The following SLC9A9 variants were observed in gnomAD, a reference collection of about 807,000 sequenced individuals.
SLC9A9 encodes the protein solute carrier family 9 member A9.
Under a neutral mutation model 77.8 loss-of-function variants are expected in SLC9A9, and 62 were observed. The observed-to-expected ratio is 0.80, with a 90% CI of 0.65 to 0.98. The LOEUF is 0.98. Ranked by LOEUF, SLC9A9 falls within the 50% of genes least tolerant of loss-of-function variation. SLC9A9 has a pLI of 0.00. For missense variants in SLC9A9, 775 were observed against 774.9 expected, an observed-to-expected ratio of 1.00 and a Z score of 0.00; for synonymous variants, 320 against 283.5, an observed-to-expected ratio of 1.13 and a Z score of -1.29.
At chr3:143,754,191 G>C (rs1472737036) in intron 4 of SLC9A9, among the ~76,000 whole-genome samples, 1 of 152,152 alleles carries the variant, frequency 6.6e-6, no homozygotes, top group Non-Finnish European at 1.5e-5. Context: ...AGAGGGAATG[G>C]AAAATATAGC....
At chr3:143,549,525 T>C (rs1264325426) in intron 9 of SLC9A9, among the ~76,000 whole-genome samples, 2 of 152,124 alleles carry the variant, frequency 1.3e-5, no homozygotes, top group African/African-American at 2.4e-5. Context: ...AAAAAGGCAG[T>C]GTGGGGAACA....
At chr3:143,466,486 G>T (rs113989226) in intron 12 of SLC9A9, among the ~76,000 whole-genome samples, 1 of 152,200 alleles carries the variant, frequency 6.6e-6, no homozygotes, top group Admixed American at 6.5e-5. Flanking sequence ...GAGGGCCACT[G>T]ACTGAAGCCT....
At chr3:143,349,126 C>A (rs894119040) in intron 14 of SLC9A9, among the ~76,000 whole-genome samples, 1 of 152,152 alleles carries the variant, frequency 6.6e-6, no homozygotes, top group African/African-American at 2.4e-5. Context: ...TACTGGCAGA[C>A]GGGAGTAACA....
At chr3:143,551,957 C>T (rs1024391872) in intron 9 of SLC9A9, among the ~76,000 whole-genome samples, 2 of 152,142 alleles carry the variant, frequency 1.3e-5, no homozygotes, top group African/African-American at 4.8e-5. Flanking sequence ...GTTGAGTTTG[C>T]TTGGCATCAA....
intron 11 of SLC9A9, among the ~76,000 whole-genome samples, chr3:143,490,549 G>A (rs371722498): frequency 6.6e-6 from 1 of 152,150 alleles, no homozygotes; most frequent in African/African-American, 2.4e-5. Flanking sequence ...TGGGTATAGA[G>A]TTTCAGTTTT....
chr3:143,639,597 G>C (rs991209901), intron 6 of SLC9A9, among the ~76,000 whole-genome samples: 1 of 151,998 alleles, frequency 6.6e-6, no homozygotes, highest in Non-Finnish European at 1.5e-5. Flanking sequence ...GTACTGAGAG[G>C]GCCAAATTTT....
chr3:143,517,304 C>T (rs1447865225), intron 9 of SLC9A9: 6 of 1,257,914 alleles, frequency 4.8e-6, no homozygotes, highest in Non-Finnish European at 6.9e-6. Context: ...TCCAGGCATT[C>T]CGGCCATTCC....
intron 14 of SLC9A9, among the ~76,000 whole-genome samples, chr3:143,289,421 G>T (rs1209476321): frequency 1.3e-5 from 2 of 152,124 alleles, no homozygotes; most frequent in Non-Finnish European, 2.9e-5. Flanking sequence ...GAAGGCTAAG[G>T]ACTCTCAGAG....
At chr3:143,723,482 A>T (rs1934557337) in intron 4 of SLC9A9, among the ~76,000 whole-genome samples, 1 of 152,132 alleles carries the variant, frequency 6.6e-6, no homozygotes, top group Non-Finnish European at 1.5e-5. Context: ...GTGGGGACAC[A>T]AGATGATTTT....
chr3:143,776,333 T>G (rs2007690940), intron 4 of SLC9A9, among the ~76,000 whole-genome samples: 1 of 152,200 alleles, frequency 6.6e-6, no homozygotes, highest in African/African-American at 2.4e-5. Flanking sequence ...TTCCTTCATC[T>G]ATTCAAATCA....
chr3:143,425,743 G>T (rs529789169), intron 12 of SLC9A9, among the ~76,000 whole-genome samples: 10 of 152,278 alleles, frequency 6.6e-5, no homozygotes, highest in African/African-American at 2.4e-4. Context: ...GTTGACATGA[G>T]AACAGATAGC....
At chr3:143,428,473 T>C (rs370189903) in intron 12 of SLC9A9, among the ~76,000 whole-genome samples, 1 of 152,332 alleles carries the variant, frequency 6.6e-6, no homozygotes, top group African/African-American at 2.4e-5. Context: ...CAATTCTTTA[T>C]ACATTGTTGG....
intron 8 of SLC9A9, 28 bp downstream of exon 8, chr3:143,574,060 A>G: frequency 5.0e-6 from 8 of 1,589,028 alleles, no homozygotes; most frequent in South Asian, 2.2e-5. Context: ...TCACACATCC[A>G]GTTGGCTGTG....
chr3:143,323,268 C>A (rs756896574), intron 14 of SLC9A9, among the ~76,000 whole-genome samples: 1 of 152,140 alleles, frequency 6.6e-6, no homozygotes, highest in Non-Finnish European at 1.5e-5. Flanking sequence ...CAGAAGAATA[C>A]CTGTTTATTG....
intron 8 of SLC9A9, among the ~76,000 whole-genome samples, chr3:143,555,936 C>A (rs764844463): frequency 2.7e-4 from 41 of 152,098 alleles, no homozygotes; most frequent in Non-Finnish European, 4.9e-4. Context: ...TTGATCTGAC[C>A]CTTAGTATTA....
intron 2 of SLC9A9, among the ~76,000 whole-genome samples, chr3:143,818,811 G>A (rs2009087328): frequency 6.6e-6 from 1 of 152,080 alleles, no homozygotes; most frequent in Admixed American, 6.6e-5. Context: ...GCCAGGCGCG[G>A]TGGCTCATGC....
intron 14 of SLC9A9, among the ~76,000 whole-genome samples, chr3:143,357,218 T>C (rs1403100311): frequency 2.0e-5 from 3 of 152,200 alleles, no homozygotes; most frequent in Admixed American, 6.5e-5. Context: ...CCAATGATTT[T>C]AGTTTGTGGC....
intron 8 of SLC9A9, among the ~76,000 whole-genome samples, chr3:143,554,921 T>C (rs1269019107): frequency 2.0e-5 from 3 of 152,340 alleles, no homozygotes; most frequent in African/African-American, 7.2e-5. Flanking sequence ...TACAAATTGT[T>C]CAGTCTCATC....
intron 2 of SLC9A9, among the ~76,000 whole-genome samples, chr3:143,816,004 G>A (rs1053418517): frequency 6.6e-6 from 1 of 152,156 alleles, no homozygotes; most frequent in Non-Finnish European, 1.5e-5. Flanking sequence ...AACCAGAGAT[G>A]TTTTTCTCTT....
Sources: gnomAD v4.1 joint callset for allele counts (sites outside exome capture counted in the v4.1 genomes callset) on GRCh38, gnomAD v4.1.1 for gene constraint, MANE v1.5 for transcripts, NCBI Gene and HGNC (gene_info 2026-07-23, HGNC 2026-07-21) for gene names.